ADCK1: variants seen among roughly 807,000 people sequenced by gnomAD.
The protein encoded by ADCK1 is aarF domain containing kinase 1.
In ADCK1, 41 loss-of-function variants were observed where a neutral mutation model predicts 52.3. The ratio of observed to expected loss-of-function variants is 0.78; its 90% CI spans 0.61 to 1.02. The LOEUF is 1.02. Ranked by LOEUF, ADCK1 falls within the 50% of genes least tolerant of loss-of-function variation. ADCK1 has a pLI of 0.00. For missense variants in ADCK1, 658 were observed against 679.5 expected (o/e 0.97, Z 0.35); for synonymous variants, 250 against 274.6 (o/e 0.91, Z 0.89).
intron 7 of ADCK1, among the ~76,000 whole-genome samples, chr14:77,915,141 C>G (rs894303538): frequency 2.0e-5 from 3 of 151,992 alleles, no homozygotes; most frequent in Non-Finnish European, 4.4e-5. Context: ...AAGAAAACAT[C>G]TTCTTCCATT....
At chr14:77,816,695 G>C (rs2081458262) in intron 1 of ADCK1, among the ~76,000 whole-genome samples, 1 of 151,746 alleles carries the variant, frequency 6.6e-6, no homozygotes. Flanking sequence ...AGTTCTGTGA[G>C]TTGCTGCAGC....
chr14:77,933,302 C>T lies in ADCK1; in HGVS notation c.1483C>T (p.Leu495Phe), dbSNP rs766207920. The change falls in exon 11 of 11, where the codon CTC becomes TTC. Residue 495 changes from leucine to phenylalanine, a missense_variant. Leu to Phe is a conservative substitution (Grantham distance 22, BLOSUM62 0). Transcript: ENST00000238561. ...GGCCTTCAACTTATGGCAGATCAAC[C>T]TCCATGAGCTCATCCTGCGTGTGAA... is the stretch of plus-strand genomic sequence containing the variant. ...SEAFNLWQIN[L>F]HELILRVKGL... is the part of the protein sequence containing the mutation. 4 of 1,614,188 alleles carry T rather than the reference C, an allele frequency of 2.5e-6. No individual in the cohort carries two copies. In the Admixed American group the frequency reaches 5.0e-5, roughly 20 times the overall value.
At chr14:77,857,236 C>A (rs987649177) in intron 3 of ADCK1, among the ~76,000 whole-genome samples, 2 of 152,066 alleles carry the variant, frequency 1.3e-5, no homozygotes, top group Non-Finnish European at 2.9e-5. Context: ...TTGCTTGAGC[C>A]TGGGAGATGG....
At chr14:77,864,347 T>C (rs2082617370) in intron 4 of ADCK1, among the ~76,000 whole-genome samples, 1 of 152,160 alleles carries the variant, frequency 6.6e-6, no homozygotes, top group Admixed American at 6.5e-5. Context: ...TCCAAGAATA[T>C]AAACTGTTTA....
At chr14:77,817,884 C>T (rs947612411) in intron 1 of ADCK1, among the ~76,000 whole-genome samples, 5 of 148,534 alleles carry the variant, frequency 3.4e-5, no homozygotes, top group East Asian at 2.0e-4. Flanking sequence ...TACAGGCGCC[C>T]GCCACCACGC....
chr14:77,895,114 C>A (rs1043023343), intron 5 of ADCK1, among the ~76,000 whole-genome samples: 2 of 152,118 alleles, frequency 1.3e-5, no homozygotes, highest in African/African-American at 4.8e-5. Flanking sequence ...TTCTGTGTGG[C>A]CCATGATTGA....
intron 1 of ADCK1, among the ~76,000 whole-genome samples, chr14:77,802,072 T>C (rs923720637): frequency 1.4e-4 from 21 of 152,008 alleles, no homozygotes; most frequent in Non-Finnish European, 4.4e-5. Context: ...AAGCTGCTTG[T>C]TCTTGTGCAC....
intron 4 of ADCK1, among the ~76,000 whole-genome samples, chr14:77,884,260 G>A (rs1013503874): frequency 3.3e-5 from 5 of 152,224 alleles, no homozygotes; most frequent in African/African-American, 9.6e-5. Context: ...AGAGATGAGG[G>A]TGTGAGTTCA....
chr14:77,880,757 G>C (rs2083005336), intron 4 of ADCK1, among the ~76,000 whole-genome samples: 1 of 152,174 alleles, frequency 6.6e-6, no homozygotes, highest in Non-Finnish European at 1.5e-5. Context: ...TCTCCAGCAG[G>C]CCCTGCTAAA....
At chr14:77,842,458 TCCTTC>T (rs2082092216) in intron 3 of ADCK1, among the ~76,000 whole-genome samples, 7 of 46,478 alleles carry the variant, frequency 1.5e-4, no homozygotes, top group African/African-American at 3.3e-4. Flanking sequence ...TTTCCTTCCT[TCCTTC>T]CTTCCTTCCT....
intron 6 of ADCK1, among the ~76,000 whole-genome samples, chr14:77,901,679 C>T (rs1427482541): frequency 2.6e-5 from 4 of 152,142 alleles, no homozygotes; most frequent in Non-Finnish European, 5.9e-5. Flanking sequence ...CGTGAGCCAC[C>T]GCGGCCGGCC....
chr14:77,933,277 G>A lies in ADCK1; in HGVS notation c.1458G>A (p.Glu486=). The A allele has an allele frequency of 6.2e-7, 1 of 1,614,160 alleles. No homozygotes were observed. Among genetic ancestry groups the A allele is most frequent in the Non-Finnish European group, 8.5e-7 (1 of 1,180,036 alleles). The stretch of plus-strand genomic sequence containing the variant: ...GAAGGACCCAGATCTCTTTCAGCGA[G>A]GCCTTCAACTTATGGCAGATCAACC... ...FFRRTQISFS[E]AFNLWQINLH... is the part of the protein sequence containing the mutation. The change falls in exon 11 of 11, where the codon GAG becomes GAA. Residue 486 remains glutamate (E), a synonymous_variant. Transcript: ENST00000238561.
intron 7 of ADCK1, among the ~76,000 whole-genome samples, chr14:77,917,864 A>G (rs1595085836): frequency 6.6e-6 from 1 of 152,110 alleles, no homozygotes. Flanking sequence ...GGTGGTGTTC[A>G]GATGTCTTTG....
At chr14:77,830,281 G>C (rs1267154130) in intron 3 of ADCK1, among the ~76,000 whole-genome samples, 1 of 151,074 alleles carries the variant, frequency 6.6e-6, no homozygotes, top group African/African-American at 2.4e-5. Context: ...AGCCTCCCGA[G>C]TAGCTAGGAC....
intron 4 of ADCK1, among the ~76,000 whole-genome samples, chr14:77,863,390 G>T (rs950113783): frequency 2.0e-5 from 3 of 152,066 alleles, no homozygotes; most frequent in Non-Finnish European, 4.4e-5. Flanking sequence ...TAGAGTTATC[G>T]TGGAAATTAA....
intron 4 of ADCK1, among the ~76,000 whole-genome samples, chr14:77,872,430 C>G (rs560434074): frequency 6.6e-6 from 1 of 152,138 alleles, no homozygotes; most frequent in Non-Finnish European, 1.5e-5. Context: ...CCTTCCGCTC[C>G]GGGCTGGCCT....
intron 7 of ADCK1, among the ~76,000 whole-genome samples, chr14:77,911,732 C>CT (rs572112070): frequency 0.041 from 5,634 of 139,028 alleles, 372 homozygotes; most frequent in African/African-American, 0.14. Flanking sequence ...CCCCAGCTTT[C>CT]TTTTTTTTTT....
intron 10 of ADCK1, among the ~76,000 whole-genome samples, 154 bp downstream of exon 10, chr14:77,931,865 T>C (rs2084349474): frequency 2.0e-5 from 3 of 152,102 alleles, no homozygotes; most frequent in Admixed American, 2.0e-4. Context: ...AAGTTTGAAA[T>C]GTTTTCTGAG....
chr14:77,909,319 G>A (rs1252601610), intron 7 of ADCK1, among the ~76,000 whole-genome samples: 1 of 152,010 alleles, frequency 6.6e-6, no homozygotes, highest in Non-Finnish European at 1.5e-5. Context: ...ATTTTTAGTA[G>A]AGACAGGGTT....
Sources: allele counts gnomAD v4.1 joint callset (sites outside exome capture counted in the v4.1 genomes callset), GRCh38; gene constraint gnomAD v4.1.1; transcripts MANE v1.5; gene names NCBI Gene and HGNC (gene_info 2026-07-23, HGNC 2026-07-21).